TRIP11: variants seen among roughly 807,000 people sequenced by gnomAD.
TRIP11 encodes thyroid hormone receptor interactor 11.
Under a neutral mutation model 223.1 loss-of-function variants are expected in TRIP11, and 148 were observed. That is an observed-to-expected ratio of 0.66 (90% confidence interval 0.58 to 0.76). The LOEUF (loss-of-function observed/expected upper bound fraction) is 0.76. TRIP11 is among the 30% of genes least tolerant of loss of function. The pLI is 0.00. For missense variants in TRIP11, 2,043 were observed against 2,222.0 expected, an observed-to-expected ratio of 0.92 and a Z score of 1.62; for synonymous variants, 762 against 772.6, an observed-to-expected ratio of 0.99 and a Z score of 0.23.
At chr14:91,989,572 C>T (rs2140098845) in intron 15 of TRIP11, among the ~76,000 whole-genome samples, 1 of 150,642 alleles carries the variant, frequency 6.6e-6, no homozygotes, top group East Asian at 1.9e-4. Flanking sequence ...ATTTTCTTGG[C>T]TATTCTCAAG....
intron 16 of TRIP11, among the ~76,000 whole-genome samples, chr14:91,984,279 CTTT>C (rs897789769): frequency 1.0e-4 from 15 of 149,360 alleles, no homozygotes; most frequent in South Asian, 6.4e-4. Context: ...ATATCTTGTG[CTTT>C]TTATTTCAAT....
At chr14:92,015,927 A>C in intron 5 of TRIP11, 66 bp from the exon 6 acceptor site, 1 of 1,421,370 alleles carries the variant, frequency 7.0e-7, no homozygotes, top group Admixed American at 2.1e-5. Context: ...TATATATTTA[A>C]CTGTTGTCCA....
rs540211649 is a variant in TRIP11 at position 91,992,622 on chromosome 14, GA to G, written c.5160+1186del. The stretch of plus-strand genomic sequence containing the variant: ...TTATTGACAGTCTATTTATGACATA[GA>G]AAAGCTTCTCCTAGGCCGGGCATGG... On this transcript the variant is annotated intron_variant, in intron 15 of 20. Transcript: ENST00000267622. Among the ~76,000 whole-genome samples the G allele has an allele frequency of 1.1e-3, 174 of 152,058 alleles. 1 individual carries two copies. The highest frequency in any genetic ancestry group is 4.0e-3 in the African/African-American group (167 of 41,502).
chr14:92,032,092 G>A (rs1352882767), intron 2 of TRIP11, among the ~76,000 whole-genome samples: 3 of 152,116 alleles, frequency 2.0e-5, no homozygotes, highest in Non-Finnish European at 2.9e-5. Context: ...GAGCCACTGC[G>A]CCCAATCTAG....
chr14:92,022,559 C>T lies in TRIP11; in HGVS notation c.313-728G>A, dbSNP rs143016227. On this transcript the variant is annotated intron_variant, in intron 3 of 20. Transcript: ENST00000267622. Reference sequence around the variant, plus strand: ...CAGTTTTGACTAAAGGCGGGTAAGTCATAGCGCAAAAGAAATTATAAACAC... The same window carrying T: ...CAGTTTTGACTAAAGGCGGGTAAGTTATAGCGCAAAAGAAATTATAAACAC... Among the ~76,000 whole-genome samples the T allele has an allele frequency of 8.9e-4, 136 of 152,288 alleles. No individual in the cohort carries two copies. The East Asian group carries it at 0.025, about 29-fold the overall frequency.
intron 15 of TRIP11, among the ~76,000 whole-genome samples, chr14:91,993,296 G>GTCTA (rs1566852061): frequency 6.6e-6 from 1 of 151,694 alleles, no homozygotes; most frequent in Non-Finnish European, 1.5e-5. Context: ...GACCAACATG[G>GTCTA]TGAAACCCCA....
At chr14:92,027,336 AAAAC>A (rs1207263481) in intron 2 of TRIP11, among the ~76,000 whole-genome samples, 1 of 152,104 alleles carries the variant, frequency 6.6e-6, no homozygotes, top group Non-Finnish European at 1.5e-5. Context: ...CGACAACAGA[AAAAC>A]AATCTTATTC....
At position 91,973,517 on chromosome 14, in the gene TRIP11, A is replaced by C. The variant is rs558406951; in HGVS notation, c.5575-656T>G. ...TAATAACTATTAACACAAACATAAA[A>C]AATTATATGAAAGGAAAACACACAT... On this transcript the variant is annotated intron_variant, in intron 19 of 20. Transcript: ENST00000267622. 5.9e-5 allele frequency among the ~76,000 whole-genome samples: 9 copies of C among 152,326 alleles called. No individual in the cohort carries two copies. In the South Asian group the frequency reaches 1.9e-3, roughly 32 times the overall value.
At chr14:92,007,507 T>C (rs1444290694) in intron 10 of TRIP11, 133 bp downstream of exon 10, 12 of 931,992 alleles carry the variant, frequency 1.3e-5, no homozygotes, top group African/African-American at 1.6e-5. Flanking sequence ...CAATGATATT[T>C]ACTATCTAGC....
chr14:92,034,391 C>T (rs2057301429), intron 1 of TRIP11, among the ~76,000 whole-genome samples: 2 of 149,764 alleles, frequency 1.3e-5, no homozygotes, highest in Non-Finnish European at 2.9e-5. Flanking sequence ...CTACTGCACT[C>T]CAGCCTGGGT....
At chr14:92,006,514 A>G (rs2056905297) in intron 10 of TRIP11, 66 bp from the exon 11 acceptor site, 2 of 1,463,568 alleles carry the variant, frequency 1.4e-6, no homozygotes, top group Middle Eastern at 2.4e-4. Context: ...AGAAAATTTT[A>G]TAAAATCTCA....
In TRIP11 at chr14:91,967,168, G is replaced by C. The variant is rs2056350305; in HGVS notation, c.*2505C>G. On this transcript the variant is annotated 3_prime_UTR_variant, in exon 21 of 21. Transcript: ENST00000267622. ...TTTTTTTTTTTTTTTTTGAGACAGA[G>C]TCTCGCTCTGTCGCTCAGGCTGGAG... is the stretch of plus-strand genomic sequence containing the variant. 9.1e-6 allele frequency: 1 copy of C among 110,196 alleles called. No individual in the cohort carries two copies. Among genetic ancestry groups the C allele is most frequent in the African/African-American group, 5.9e-5 (1 of 16,924 alleles). 6.8% of individuals were successfully genotyped at this position (110,196 alleles called of 1,614,324 possible). A position where few individuals can be genotyped will look rare whatever the true frequency, so the allele number is the denominator to read the frequency against.
At chr14:92,033,105 A>G (rs1262203968) in intron 2 of TRIP11, 87 bp downstream of exon 2, 8 of 1,037,586 alleles carry the variant, frequency 7.7e-6, no homozygotes, top group African/African-American at 1.6e-5. Flanking sequence ...TAAGCAGTAC[A>G]TTTAAAAAGA....
intron 16 of TRIP11, chr14:91,977,012 G>GA (rs2056473874): frequency 4.0e-6 from 1 of 249,666 alleles, no homozygotes; most frequent in Admixed American, 5.1e-5. Context: ...AGTTTGAGCT[G>GA]AAAGAGATGC....
chr14:92,018,424 A>G (rs769509599), intron 4 of TRIP11, among the ~76,000 whole-genome samples: 13 of 152,134 alleles, frequency 8.5e-5, no homozygotes, highest in Non-Finnish European at 1.5e-4. Context: ...TCTCTACCCA[A>G]TAGAGAATAA....
At position 92,011,800 on chromosome 14, in the gene TRIP11, A is replaced by G; in HGVS notation, c.1187-5T>C. The stretch of plus-strand genomic sequence containing the variant: ...TCATTATTTCATTTTCGGCATCTGT[A>G]AAAACAGCAAATGAACTTGACATTA... On this transcript the variant is annotated splice_region_variant and splice_polypyrimidine_tract_variant and intron_variant, in intron 7 of 20. Transcript: ENST00000267622. 1 of 1,611,184 alleles carries G rather than the reference A, an allele frequency of 6.2e-7. No homozygotes were observed. Among genetic ancestry groups the G allele is most frequent in the Non-Finnish European group, 8.5e-7 (1 of 1,178,818 alleles).
Position 92,005,101 on chromosome 14 carries a change from A to G in TRIP11, c.2875T>C (p.Leu959=), listed in dbSNP as rs1218439359. ...QMNATHTQLF[L]EKDEEIKSLQ... is the part of the protein sequence containing the mutation. ...CTCTTAATTTCCTCATCCTTCTCTA[A>G]AAAGAGCTGGGTGTGTGTGGCGTTC... The change falls in exon 11 of 21, where the codon TTA becomes CTA. Residue 959 remains leucine, a synonymous_variant. Transcript: ENST00000267622. 6.8e-6 allele frequency: 11 copies of G among 1,613,584 alleles called. No individual in the cohort carries two copies. Among genetic ancestry groups the G allele is most frequent in the Non-Finnish European group, 9.3e-6 (11 of 1,180,036 alleles).
intron 6 of TRIP11, among the ~76,000 whole-genome samples, chr14:92,014,949 G>A (rs923703660): frequency 2.0e-5 from 3 of 150,718 alleles, no homozygotes; most frequent in Admixed American, 6.6e-5. Flanking sequence ...TGTTGCCCAG[G>A]CTGGAGGGCA....
intron 4 of TRIP11, 123 bp downstream of exon 4, chr14:92,021,433 T>A: frequency 1.2e-5 from 10 of 856,626 alleles, no homozygotes; most frequent in East Asian, 2.6e-5. Context: ...GGAATTAGAA[T>A]ACACCTTTTC....
Sources: allele counts gnomAD v4.1 joint callset (sites outside exome capture counted in the v4.1 genomes callset), GRCh38; gene constraint gnomAD v4.1.1; transcripts MANE v1.5; gene names NCBI Gene and HGNC (gene_info 2026-07-23, HGNC 2026-07-21).